Variants in EXOC6 observed in about 807,000 individuals in gnomAD.
EXOC6 encodes the protein SEC15-like 1.
Under a neutral mutation model 112.5 loss-of-function variants are expected in EXOC6, and 60 were observed. That is an observed-to-expected ratio of 0.53 (90% confidence interval 0.43 to 0.66). The LOEUF (loss-of-function observed/expected upper bound fraction) is 0.66. Ranked by LOEUF, EXOC6 falls within the 30% of genes least tolerant of loss-of-function variation. The pLI, the probability that EXOC6 is intolerant of heterozygous loss-of-function variation, is 0.00. For synonymous variants in EXOC6, 295 were observed against 308.0 expected (o/e 0.96, Z 0.44); for missense variants, 855 against 957.1 (o/e 0.89, Z 1.41).
chr10:92,836,566 T>G (rs1302857415), intron 1 of EXOC6, among the ~76,000 whole-genome samples: 1 of 152,218 alleles, frequency 6.6e-6, no homozygotes, highest in Non-Finnish European at 1.5e-5. Flanking sequence ...TTCCAAAGGC[T>G]ACTGTTAAAA....
At chr10:93,024,587 A>T (rs905798733) in intron 20 of EXOC6, among the ~76,000 whole-genome samples, 1 of 152,026 alleles carries the variant, frequency 6.6e-6, no homozygotes, top group East Asian at 1.9e-4. Flanking sequence ...GCACACCACC[A>T]CACCTGGCCT....
chr10:92,851,972 G>A (rs962009177), intron 1 of EXOC6, among the ~76,000 whole-genome samples: 1 of 152,114 alleles, frequency 6.6e-6, no homozygotes, highest in Non-Finnish European at 1.5e-5. Context: ...GGAGGCTAAC[G>A]TGGGAGAATG....
At chr10:93,017,264 G>T (rs76424458) in intron 20 of EXOC6, among the ~76,000 whole-genome samples, 10,294 of 152,090 alleles carry the variant, frequency 0.068, 619 homozygotes, top group African/African-American at 0.15. Context: ...GACTCAAAAG[G>T]GGGAGGGTGG....
intron 1 of EXOC6, among the ~76,000 whole-genome samples, chr10:92,870,542 G>T (rs1848398003): frequency 6.6e-6 from 1 of 152,066 alleles, no homozygotes; most frequent in African/African-American, 2.4e-5. Context: ...TGCTTTTAAA[G>T]ATTTTTTCTT....
intron 1 of EXOC6, among the ~76,000 whole-genome samples, chr10:92,887,154 A>G (rs562862760): frequency 2.6e-5 from 4 of 152,308 alleles, no homozygotes; most frequent in Non-Finnish European, 4.4e-5. Context: ...GAGAAGGTCC[A>G]TAAGTTCTGC....
At chr10:92,995,987 A>G (rs1203518514) in intron 18 of EXOC6, among the ~76,000 whole-genome samples, 1 of 152,120 alleles carries the variant, frequency 6.6e-6, no homozygotes, top group African/African-American at 2.4e-5. Context: ...GTTCTTTATT[A>G]CCTTTTTCAC....
Position 93,056,972 on chromosome 10 carries a change from T to C in EXOC6, c.2218T>C (p.Tyr740His). The change falls in exon 21 of 22, where the codon TAT (tyrosine) becomes CAT (histidine). Residue 740 changes from tyrosine (Y) to histidine (H), a missense_variant. Coordinates refer to ENST00000260762, the MANE Select transcript of EXOC6 (RefSeq NM_019053.6). ...GGATTGGTCTACTTACCTAGCTGAT[T>C]ATGGGCAGCCAGCTTCTAAGTACCT... Reference protein sequence around the residue: ...VWDWSTYLADYGQPASKYLRV... With the variant: ...VWDWSTYLADHGQPASKYLRV... 6.2e-7 allele frequency: 1 copy of C among 1,600,096 alleles called. No homozygotes were observed. The highest frequency in any genetic ancestry group is 8.5e-7 in the Non-Finnish European group (1 of 1,175,574).
intron 19 of EXOC6, among the ~76,000 whole-genome samples, chr10:93,005,696 A>G (rs1843945810): frequency 6.6e-6 from 1 of 152,208 alleles, no homozygotes; most frequent in Non-Finnish European, 1.5e-5. Context: ...CCAAATGTCT[A>G]AGTTAGGTTA....
intron 6 of EXOC6, among the ~76,000 whole-genome samples, chr10:92,911,821 A>T: frequency 6.6e-6 from 1 of 151,874 alleles, no homozygotes; most frequent in East Asian, 1.9e-4. Context: ...TGAGAGTTAG[A>T]CTTCTCAAGA....
In EXOC6 at chr10:92,915,752, A is replaced by C. The variant is rs556809908; in HGVS notation, c.664-6A>C. On this transcript the variant is annotated splice_region_variant and splice_polypyrimidine_tract_variant and intron_variant, in intron 6 of 21. Transcript: ENST00000260762. ...AATAATCTGAATTTCTCTCTCTTCA[A>C]AATAGGCACAGCATCAGAAAACCTT... 1 of 1,510,898 alleles carries C rather than the reference A, an allele frequency of 6.6e-7. No individual in the cohort carries two copies. The highest frequency in any genetic ancestry group is 8.8e-7 in the Non-Finnish European group (1 of 1,141,154). The allele number at this position is 1,510,898 out of a possible 1,614,324, so 93.6% of individuals were successfully genotyped here.
chr10:92,859,024 C>T (rs1195569721), intron 1 of EXOC6, among the ~76,000 whole-genome samples: 5 of 152,240 alleles, frequency 3.3e-5, no homozygotes, highest in African/African-American at 1.2e-4. Context: ...ATCGGCCTCC[C>T]AGAGTGTTAG....
intron 20 of EXOC6, among the ~76,000 whole-genome samples, chr10:93,052,306 C>T (rs979072553): frequency 1.3e-5 from 2 of 152,148 alleles, no homozygotes; most frequent in African/African-American, 2.4e-5. Flanking sequence ...GGGCATGGAT[C>T]GAGAATGAGT....
chr10:92,991,894 T>TC (rs1477422362), intron 18 of EXOC6, among the ~76,000 whole-genome samples: 1 of 152,088 alleles, frequency 6.6e-6, no homozygotes, highest in Middle Eastern at 3.2e-3. Context: ...AACTGATGTG[T>TC]CCCAATTCAT....
chr10:93,036,182 C>T (rs1378506210), intron 20 of EXOC6, among the ~76,000 whole-genome samples: 1 of 150,430 alleles, frequency 6.6e-6, no homozygotes, highest in African/African-American at 2.5e-5. Flanking sequence ...CACACCATTG[C>T]ACTCCAGCCT....
At chr10:93,011,743 C>T (rs1019369747) in intron 19 of EXOC6, among the ~76,000 whole-genome samples, 1 of 151,940 alleles carries the variant, frequency 6.6e-6, no homozygotes, top group African/African-American at 2.4e-5. Context: ...CTACCTAGGC[C>T]ATTTTCAGTT....
chr10:92,892,912 C>T (rs1329712516), intron 1 of EXOC6, among the ~76,000 whole-genome samples: 2 of 152,152 alleles, frequency 1.3e-5, no homozygotes, highest in Non-Finnish European at 2.9e-5. Flanking sequence ...AGGGTAATAA[C>T]AATACCTACT....
chr10:93,020,110 T>C (rs1844715243), intron 20 of EXOC6, among the ~76,000 whole-genome samples: 1 of 152,166 alleles, frequency 6.6e-6, no homozygotes, highest in Admixed American at 6.5e-5. Context: ...ATAGTATACA[T>C]GTATTAGATT....
upstream of EXOC6, among the ~76,000 whole-genome samples, chr10:92,843,511 G>A (rs901855835): frequency 6.6e-6 from 1 of 152,228 alleles, no homozygotes; most frequent in African/African-American, 2.4e-5. Context: ...GGGTTCCCAG[G>A]GGTGAGGAGG....
chr10:93,023,896 A>G (rs904165720), intron 20 of EXOC6, among the ~76,000 whole-genome samples: 4 of 146,546 alleles, frequency 2.7e-5, no homozygotes, highest in African/African-American at 5.0e-5. Context: ...TTCACTAAAT[A>G]TCACTGGGAA....
Sources: allele counts gnomAD v4.1 joint callset (sites outside exome capture counted in the v4.1 genomes callset), GRCh38; gene constraint gnomAD v4.1.1; transcripts MANE v1.5; gene names NCBI Gene and HGNC (gene_info 2026-07-23, HGNC 2026-07-21).